The following PRXL2A variants were observed in gnomAD, a reference collection of about 807,000 sequenced individuals.
The protein encoded by PRXL2A is peroxiredoxin like 2A, also known as peroxiredoxin-like 2A.
Under a neutral mutation model 25.6 loss-of-function variants are expected in PRXL2A, and 26 were observed. The observed-to-expected ratio is 1.02, with a 90% confidence interval of 0.74 to 1.41. The LOEUF is 1.41. Ranked by LOEUF, PRXL2A falls within the 40% of genes most tolerant of loss-of-function variation. The pLI is 0.00. For synonymous variants in PRXL2A, 98 were observed against 102.9 expected (o/e 0.95, Z 0.29); for missense variants, 246 against 273.9 (o/e 0.90, Z 0.72).
intron 3 of PRXL2A, among the ~76,000 whole-genome samples, 177 bp downstream of exon 3, chr10:80,422,685 A>T (rs1844913785): frequency 6.7e-6 from 1 of 149,162 alleles, no homozygotes. Flanking sequence ...TTTTTAAACA[A>T]CTCACCCTCT....
chr10:80,413,484 A>G (rs1021570060), intron 1 of PRXL2A, among the ~76,000 whole-genome samples: 14 of 152,328 alleles, frequency 9.2e-5, no homozygotes, highest in African/African-American at 3.4e-4. Context: ...GGAGCCACAG[A>G]GAAAAGGACA....
intron 4 of PRXL2A, among the ~76,000 whole-genome samples, chr10:80,426,714 G>A (rs1421330758): frequency 6.6e-6 from 1 of 152,184 alleles, no homozygotes; most frequent in Non-Finnish European, 1.5e-5. Flanking sequence ...AGGTAGCACT[G>A]TTACCATCCT....
At position 80,427,447 on chromosome 10, in the gene PRXL2A, G is replaced by A. The variant is rs536091186; in HGVS notation, c.527G>A (p.Gly176Glu). The A allele has an allele frequency of 1.2e-6, 2 of 1,614,184 alleles. No individual in the cohort carries two copies. The highest frequency in any genetic ancestry group is 1.7e-5 in the Admixed American group (1 of 60,024). ...WNGGFSGNLEGEGFILGGVFV... is the reference protein window; with the variant it reads ...WNGGFSGNLEEEGFILGGVFV... ...GGAGGCTTCTCTGGAAACCTGGAAGGAGAAGGCTTCATCCTTGGGGGAGTT... is the reference window on the plus strand; with the variant it reads ...GGAGGCTTCTCTGGAAACCTGGAAGAAGAAGGCTTCATCCTTGGGGGAGTT... Residue 176 changes from glycine (G) to glutamate (E), a missense_variant, in exon 5 of 6, where the codon GGA becomes GAA. By Grantham distance (98) the Gly-to-Glu change is moderately conservative. Transcript: ENST00000606162.
chr10:80,421,556 A>G (rs1393215179), intron 2 of PRXL2A, among the ~76,000 whole-genome samples: 1 of 152,100 alleles, frequency 6.6e-6, no homozygotes, highest in African/African-American at 2.4e-5. Context: ...AGATACTAGG[A>G]GAGAGAGAGA....
chr10:80,408,074 G>A (rs999560847), upstream of PRXL2A: 5 of 152,124 alleles, frequency 3.3e-5, no homozygotes, highest in African/African-American at 1.2e-4. Flanking sequence ...GAACGTGGGT[G>A]GAGGATTGAG....
upstream of PRXL2A, chr10:80,408,440 G>C (rs1396545482): frequency 2.0e-5 from 3 of 152,422 alleles, no homozygotes. Context: ...CCCGGAGGTC[G>C]GCGAGTCGGG....
At chr10:80,411,668 A>G (rs1162212043) in intron 1 of PRXL2A, among the ~76,000 whole-genome samples, 2 of 152,200 alleles carry the variant, frequency 1.3e-5, no homozygotes, top group African/African-American at 4.8e-5. Flanking sequence ...GAGCTGAACC[A>G]GCGCTTTGAG....
rs76761870 is a variant in PRXL2A at position 80,422,216 on chromosome 10, C to G, written c.179-201C>G. Among the ~76,000 whole-genome samples, 1,173 of 152,168 alleles carry G rather than the reference C, an allele frequency of 7.7e-3. 20 individuals carry two copies. Among genetic ancestry groups the G allele is most frequent in the African/African-American group, 0.027 (1,104 of 41,516 alleles). ...CCGGGTATATAACAGGATTCTTAAG[C>G]TTGGTTAACTTTCTTCAGGAAGGTG... On this transcript the variant is annotated intron_variant, in intron 2 of 5. Coordinates refer to ENST00000606162, the MANE Select transcript of PRXL2A (RefSeq NM_032333.5).
At chr10:80,409,143 A>G (rs1157205906) in intron 1 of PRXL2A, 1 of 887,582 alleles carries the variant, frequency 1.1e-6, no homozygotes, top group Non-Finnish European at 1.4e-6. Flanking sequence ...CACGGTTTCT[A>G]GCGTTGTTCA....
At chr10:80,419,704 T>G (rs762658794) in intron 1 of PRXL2A, among the ~76,000 whole-genome samples, 1 of 152,178 alleles carries the variant, frequency 6.6e-6, no homozygotes, top group Non-Finnish European at 1.5e-5. Context: ...TAAACACCAG[T>G]GTTTAACAGT....
intron 5 of PRXL2A, among the ~76,000 whole-genome samples, chr10:80,427,794 G>A (rs541412042): frequency 3.9e-5 from 6 of 152,310 alleles, no homozygotes; most frequent in African/African-American, 1.4e-4. Flanking sequence ...TGCACAAGGA[G>A]CACAGCTCAT....
chr10:80,415,559 T>C (rs1426437119), intron 1 of PRXL2A, among the ~76,000 whole-genome samples: 1 of 152,220 alleles, frequency 6.6e-6, no homozygotes, highest in African/African-American at 2.4e-5. Context: ...AGACTGGCTG[T>C]TATTCCTGCA....
chr10:80,415,820 G>A (rs1340735870), intron 1 of PRXL2A, among the ~76,000 whole-genome samples: 1 of 152,222 alleles, frequency 6.6e-6, no homozygotes, highest in Admixed American at 6.5e-5. Flanking sequence ...CAGTGGGAAG[G>A]TGGAGGCTGT....
At chr10:80,430,039 T>C (rs971069918) in intron 5 of PRXL2A, among the ~76,000 whole-genome samples, 4 of 152,138 alleles carry the variant, frequency 2.6e-5, no homozygotes, top group African/African-American at 9.7e-5. Context: ...ACTTCAGTTC[T>C]TGTTGGGTGT....
At chr10:80,421,574 A>G (rs1014580193) in intron 2 of PRXL2A, among the ~76,000 whole-genome samples, 1 of 152,132 alleles carries the variant, frequency 6.6e-6, no homozygotes, top group Non-Finnish European at 1.5e-5. Context: ...AGACCTGTTA[A>G]GCTTTGTTCA....
chr10:80,428,791 G>A (rs538861865), intron 5 of PRXL2A, among the ~76,000 whole-genome samples: 2 of 152,318 alleles, frequency 1.3e-5, no homozygotes, highest in South Asian at 4.1e-4. Context: ...TTTTCTTTCT[G>A]TAGAAAGATG....
chr10:80,434,874 G>T lies in PRXL2A; in HGVS notation c.*2775G>T, dbSNP rs1469920782. The T allele has an allele frequency of 6.6e-6, 1 of 152,166 alleles. No individual in the cohort carries two copies. The highest frequency in any genetic ancestry group is 1.5e-5 in the Non-Finnish European group (1 of 68,046). 9.4% of individuals were successfully genotyped at this position (152,166 alleles called of 1,614,324 possible). A position where few individuals can be genotyped will look rare whatever the true frequency, so the allele number is the denominator to read the frequency against. ...AGAAGATACATATATCCCCCAAAGG[G>T]ACAGAAAGGATTTACAATTGTAAAT... On this transcript the variant is annotated 3_prime_UTR_variant, in exon 6 of 6. Transcript: ENST00000606162.
At chr10:80,419,892 C>A in intron 1 of PRXL2A, 1 of 767,798 alleles carries the variant, frequency 1.3e-6, no homozygotes, top group Non-Finnish European at 1.6e-6. Flanking sequence ...CCCTGCTGGG[C>A]ACTGGCTGGG....
intron 4 of PRXL2A, 32 bp downstream of exon 4, chr10:80,426,038 C>A: frequency 6.2e-7 from 1 of 1,613,304 alleles, no homozygotes; most frequent in Non-Finnish European, 8.5e-7. Context: ...TAGACACAGA[C>A]TGCTGGGGAT....
Sources: gnomAD v4.1 joint callset for allele counts (sites outside exome capture counted in the v4.1 genomes callset) on GRCh38, gnomAD v4.1.1 for gene constraint, MANE v1.5 for transcripts, NCBI Gene and HGNC (gene_info 2026-07-23, HGNC 2026-07-21) for gene names.